The following PIK3R6 variants were observed in gnomAD, a reference collection of about 807,000 sequenced individuals.
The protein encoded by PIK3R6 is phosphoinositide-3-kinase regulatory subunit 6.
Under a neutral mutation model 84.9 loss-of-function variants are expected in PIK3R6, and 91 were observed. The observed-to-expected ratio is 1.07, with a 90% CI of 0.90 to 1.28. PIK3R6 has a LOEUF of 1.28. Among genes scored for constraint, PIK3R6 ranks in the 50% most tolerant of loss-of-function variants. PIK3R6 has a pLI of 0.00. For missense variants in PIK3R6, 996 were observed against 985.1 expected (o/e 1.01, Z -0.15); for synonymous variants, 416 against 411.4 (o/e 1.01, Z -0.13).
Position 8,838,630 on chromosome 17 carries a change from C to A in PIK3R6, c.123G>T (p.Lys41Asn), listed in dbSNP as rs200235974. 6.9e-6 allele frequency: 11 copies of A among 1,605,454 alleles called. No homozygotes were observed. Among genetic ancestry groups the A allele is most frequent in the Non-Finnish European group, 8.5e-6 (10 of 1,176,066 alleles). ...NQGMWRWSLH[K>N]KVERDPGKSP... Reference sequence around the variant, plus strand: ...TCTTACCGGGATCTCGCTCGACCTTCTTGTGCAGGGACCACCTCCACATGC... The same window carrying A: ...TCTTACCGGGATCTCGCTCGACCTTATTGTGCAGGGACCACCTCCACATGC... Residue 41 changes from lysine to asparagine, a missense_variant, in exon 4 of 20, where the codon AAG (lysine) becomes AAT (asparagine). Coordinates refer to ENST00000619866, the MANE Select transcript of PIK3R6 (RefSeq NM_001010855.4).
intron 1 of PIK3R6, among the ~76,000 whole-genome samples, chr17:8,854,146 C>T (rs2089060282): frequency 6.6e-6 from 1 of 151,538 alleles, no homozygotes; most frequent in South Asian, 2.1e-4. Context: ...AGAACTCACA[C>T]TCCTTTATTT....
At chr17:8,836,694 A>T (rs993505416) in intron 6 of PIK3R6, 78 bp from the exon 7 acceptor site, 10 of 1,612,626 alleles carry the variant, frequency 6.2e-6, no homozygotes, top group Non-Finnish European at 8.5e-6. Flanking sequence ...GAAGGTGTGG[A>T]GGCTTTTGAG....
In PIK3R6 at chr17:8,823,003, G is replaced by T; in HGVS notation, c.1710C>A (p.Phe570Leu). Residue 570 changes from phenylalanine to leucine, a missense_variant, in exon 15 of 20, where the codon TTC becomes TTA. Physicochemically the swap from Phe to Leu is conservative, Grantham distance 22. Transcript: ENST00000619866. ...ELKVKIQDSK[F>L]PKDGFSPRRR... is the part of the protein sequence containing the mutation. ...AGGGAGGCAGATGCTTACCTTTGGG[G>T]AATTTAGAATCTTGGATCTTCACCT... 1 of 1,603,298 alleles carries T rather than the reference G, an allele frequency of 6.2e-7. No homozygotes were observed. The highest frequency in any genetic ancestry group is 8.5e-7 in the Non-Finnish European group (1 of 1,170,146).
rs781538412 is a variant in PIK3R6 at position 8,819,104 on chromosome 17, G to A, written c.1974C>T (p.Asn658=). 2 of 1,606,274 alleles carry A rather than the reference G, an allele frequency of 1.2e-6. No individual in the cohort carries two copies. The highest frequency in any genetic ancestry group is 3.4e-5 in the Admixed American group (2 of 59,380). Residue 658 remains asparagine (N), a synonymous_variant, in exon 18 of 20, where the codon AAC becomes AAT. Coordinates refer to ENST00000619866, the MANE Select transcript of PIK3R6 (RefSeq NM_001010855.4). The part of the protein sequence containing the change: ...VNVTEVVKSS[N]LAGKSFSTVT... ...TTACAGAGAAGGACTTTCCCGCCAA[G>A]TTGGAGGACTTGACAACCTCTGTCA...
chr17:8,835,205 G>C (rs2088411034), intron 8 of PIK3R6, 68 bp downstream of exon 8: 3 of 1,335,792 alleles, frequency 2.2e-6, no homozygotes, highest in Middle Eastern at 2.8e-4. Context: ...AGAGCAGGGT[G>C]AATGACTGGT....
intron 1 of PIK3R6, among the ~76,000 whole-genome samples, chr17:8,859,598 G>A (rs2089223784): frequency 6.6e-6 from 1 of 152,194 alleles, no homozygotes; most frequent in South Asian, 2.1e-4. Context: ...TCAGCCATGT[G>A]GGTGGGCATC....
intron 18 of PIK3R6, among the ~76,000 whole-genome samples, chr17:8,807,582 A>G (rs1409075664): frequency 6.6e-6 from 1 of 152,134 alleles, no homozygotes; most frequent in Non-Finnish European, 1.5e-5. Context: ...TAGGATGAGT[A>G]GAAATTATAA....
chr17:8,840,076 GAAAT>G (rs1334703522), intron 2 of PIK3R6, among the ~76,000 whole-genome samples: 6 of 150,736 alleles, frequency 4.0e-5, no homozygotes, highest in East Asian at 3.9e-4. Context: ...ACATATATAT[GAAAT>G]ATATATATCC....
At chr17:8,856,112 G>T (rs1010404063) in intron 1 of PIK3R6, among the ~76,000 whole-genome samples, 3 of 152,120 alleles carry the variant, frequency 2.0e-5, no homozygotes, top group Non-Finnish European at 4.4e-5. Context: ...TTCTAGAAAC[G>T]AAAATAAAAA....
intron 1 of PIK3R6, among the ~76,000 whole-genome samples, chr17:8,850,810 C>T (rs2088938152): frequency 6.6e-6 from 1 of 151,994 alleles, no homozygotes; most frequent in Admixed American, 6.6e-5. Flanking sequence ...TTTCTTTATA[C>T]CAAAAAAGAA....
rs1286275240 is a variant in PIK3R6 at position 8,828,851 on chromosome 17, C to T, written c.1029G>A (p.Glu343=). The T allele has an allele frequency of 6.3e-7, 1 of 1,596,490 alleles. No individual in the cohort carries two copies. Among genetic ancestry groups the T allele is most frequent in the South Asian group, 1.1e-5 (1 of 88,936 alleles). ...VSVLSTDSGI[E]RDLPTGADEL... ...CATCAGCCCCCGTGGGAAGGTCCCG[C>T]TCAATGCCGCTGTCAGTGGACAGCA... Residue 343 remains glutamate, a synonymous_variant, in exon 11 of 20, where the codon GAG becomes GAA. Coordinates refer to ENST00000619866, the MANE Select transcript of PIK3R6 (RefSeq NM_001010855.4).
At chr17:8,838,077 G>A (rs1050994044) in intron 4 of PIK3R6, among the ~76,000 whole-genome samples, 1 of 149,906 alleles carries the variant, frequency 6.7e-6, no homozygotes, top group African/African-American at 2.5e-5. Flanking sequence ...GTGGGAGCGT[G>A]GGGGGGCCTC....
intron 1 of PIK3R6, among the ~76,000 whole-genome samples, chr17:8,861,728 G>A (rs2089291813): frequency 6.6e-6 from 1 of 152,224 alleles, no homozygotes; most frequent in South Asian, 2.1e-4. Context: ...CAAGTTGCAA[G>A]AGAAGTGATG....
chr17:8,815,149 G>A (rs887940851), intron 18 of PIK3R6, among the ~76,000 whole-genome samples: 4 of 152,160 alleles, frequency 2.6e-5, no homozygotes, highest in Non-Finnish European at 4.4e-5. Context: ...TAATATGTTT[G>A]ATTTAATAAT....
At chr17:8,855,508 G>A (rs926179415) in intron 1 of PIK3R6, among the ~76,000 whole-genome samples, 1 of 152,168 alleles carries the variant, frequency 6.6e-6, no homozygotes, top group African/African-American at 2.4e-5. Flanking sequence ...AAAACCATGA[G>A]ATCTCACTAT....
chr17:8,845,851 C>A (rs1443201747), intron 2 of PIK3R6, among the ~76,000 whole-genome samples: 1 of 152,078 alleles, frequency 6.6e-6, no homozygotes, highest in Non-Finnish European at 1.5e-5. Flanking sequence ...GCACGAGAAT[C>A]GCTTAAACCT....
chr17:8,848,984 G>A (rs1467132719), intron 2 of PIK3R6, among the ~76,000 whole-genome samples: 3 of 152,198 alleles, frequency 2.0e-5, no homozygotes, highest in Non-Finnish European at 2.9e-5. Flanking sequence ...GGCCTAAGGT[G>A]TGATCTTTGA....
At chr17:8,845,104 T>C (rs758449797) in intron 2 of PIK3R6, among the ~76,000 whole-genome samples, 1 of 152,246 alleles carries the variant, frequency 6.6e-6, no homozygotes, top group Admixed American at 6.5e-5. Flanking sequence ...GCCACATTTT[T>C]GCTTTTGTGA....
intron 18 of PIK3R6, among the ~76,000 whole-genome samples, chr17:8,817,668 AC>A (rs1219548206): frequency 6.6e-6 from 1 of 152,072 alleles, no homozygotes; most frequent in Non-Finnish European, 1.5e-5. Flanking sequence ...AACAAAAAAA[AC>A]AAAAACATTA....
Sources: gnomAD v4.1 joint callset for allele counts (sites outside exome capture counted in the v4.1 genomes callset) on GRCh38, gnomAD v4.1.1 for gene constraint, MANE v1.5 for transcripts, NCBI Gene and HGNC (gene_info 2026-07-23, HGNC 2026-07-21) for gene names.